The following SLC14A2 variants were observed in gnomAD, a reference collection of about 807,000 sequenced individuals.
SLC14A2 encodes the protein urea transporter 2.
A neutral mutation model predicts 104.6 loss-of-function variants in SLC14A2; 91 were observed. That is an observed-to-expected ratio of 0.87 (90% confidence interval 0.73 to 1.04). The LOEUF (loss-of-function observed/expected upper bound fraction) is 1.04. SLC14A2 is among the 50% of genes least tolerant of loss of function. The probability of loss-of-function intolerance (pLI) is 0.00; values close to 1 mark genes in which losing one functional copy is unlikely to be tolerated. For missense variants in SLC14A2, 1,189 were observed against 1,156.0 expected (o/e 1.03, Z -0.41); for synonymous variants, 476 against 466.4 (o/e 1.02, Z -0.27).
chr18:45,456,212 T>C (rs895471621), intron 1 of SLC14A2, among the ~76,000 whole-genome samples: 1 of 152,114 alleles, frequency 6.6e-6, no homozygotes, highest in Non-Finnish European at 1.5e-5. Flanking sequence ...AATCATCCCC[T>C]GTTCAGAACC....
At chr18:45,597,912 G>A (rs1222733957) in intron 2 of SLC14A2, among the ~76,000 whole-genome samples, 2 of 152,176 alleles carry the variant, frequency 1.3e-5, no homozygotes, top group East Asian at 1.9e-4. Flanking sequence ...TTGAGGTGTG[G>A]TGTGTGAAAG....
chr18:45,641,348 G>C lies in SLC14A2; in HGVS notation c.1126+5G>C. 1 of 1,614,118 alleles carries C rather than the reference G, an allele frequency of 6.2e-7. No individual in the cohort carries two copies. The highest frequency in any genetic ancestry group is 1.1e-5 in the South Asian group (1 of 91,074). The stretch of plus-strand genomic sequence containing the variant: ...ACCTGCTGGCCCTCATCTGTGGTAG[G>C]TGTTCAGAAAAGCTGACAACCAGGT... On this transcript the variant is annotated splice_donor_5th_base_variant and intron_variant, in intron 8 of 19. Transcript: ENST00000255226.
chr18:45,632,716 C>T (rs947686344), intron 5 of SLC14A2, among the ~76,000 whole-genome samples: 2 of 152,164 alleles, frequency 1.3e-5, no homozygotes, highest in Non-Finnish European at 2.9e-5. Context: ...CTTGCTCTGT[C>T]GTCCAGGCTG....
chr18:45,395,417 G>A (rs1212831827), intron 1 of SLC14A2, among the ~76,000 whole-genome samples: 1 of 152,142 alleles, frequency 6.6e-6, no homozygotes, highest in Non-Finnish European at 1.5e-5. Context: ...GGGAGTTGCT[G>A]TTCAATGGGT....
chr18:45,680,364 A>G (rs2046294142), intron 19 of SLC14A2, among the ~76,000 whole-genome samples: 1 of 152,226 alleles, frequency 6.6e-6, no homozygotes, highest in African/African-American at 2.4e-5. Flanking sequence ...CAGTTTAGAC[A>G]TCTTTCAAAA....
At chr18:45,576,353 G>A (rs770602858) in intron 2 of SLC14A2, among the ~76,000 whole-genome samples, 3 of 142,658 alleles carry the variant, frequency 2.1e-5, no homozygotes, top group Admixed American at 7.5e-5. Flanking sequence ...GCGCGATCTC[G>A]GCTCACTGTA....
At chr18:45,419,626 T>C (rs2086318509) in intron 1 of SLC14A2, among the ~76,000 whole-genome samples, 1 of 151,980 alleles carries the variant, frequency 6.6e-6, no homozygotes, top group Non-Finnish European at 1.5e-5. Flanking sequence ...ATACAAAAAT[T>C]AGTCAGGTGT....
Position 45,262,757 on chromosome 18 carries a change from T to C in SLC14A2, c.-125+49566T>C, listed in dbSNP as rs1274269037. Among the ~76,000 whole-genome samples, 3 of 152,208 alleles carry C rather than the reference T, an allele frequency of 2.0e-5. No homozygotes were observed. In the East Asian group the frequency reaches 5.8e-4, roughly 29 times the overall value. On this transcript the variant is annotated intron_variant, in intron 1 of 20. Coordinates refer to the SLC14A2 transcript ENST00000586448. ...ACTGTCATTCCTTCATTCGACAACA[T>C]TAATTGAGCACACTGCTACAGACTG...
chr18:45,450,953 G>T (rs922911622), intron 1 of SLC14A2, among the ~76,000 whole-genome samples: 7 of 152,148 alleles, frequency 4.6e-5, no homozygotes, highest in Admixed American at 1.3e-4. Context: ...TCTGGGAAAT[G>T]GTGCAAAACA....
chr18:45,346,859 G>T (rs771568483), intron 1 of SLC14A2, among the ~76,000 whole-genome samples: 4 of 152,044 alleles, frequency 2.6e-5, no homozygotes, highest in Non-Finnish European at 5.9e-5. Context: ...CTACTTGGGA[G>T]GCTGAGGCAG....
chr18:45,497,817 C>A (rs890050653), intron 2 of SLC14A2, among the ~76,000 whole-genome samples: 2 of 152,198 alleles, frequency 1.3e-5, no homozygotes, highest in Admixed American at 6.5e-5. Flanking sequence ...GGTGACGGAT[C>A]TGTCCCCAGC....
At position 45,623,292 on chromosome 18, in the gene SLC14A2, A is replaced by T. The variant is rs961420654; in HGVS notation, c.-34-1339A>T. Among the ~76,000 whole-genome samples the T allele has an allele frequency of 7.2e-5, 11 of 152,304 alleles. 1 individual carries two copies. Among genetic ancestry groups the T allele is most frequent in the Admixed American group, 1.3e-4 (2 of 15,306 alleles). ...AAGGGGAGATGAAAAGGTTCACTGG[A>T]GATGAGAAGGACAAGGATCTGAGAA... On this transcript the variant is annotated intron_variant, in intron 1 of 19. Coordinates refer to ENST00000255226, the MANE Select transcript of SLC14A2 (RefSeq NM_007163.4).
chr18:45,362,067 A>G (rs908926762), intron 1 of SLC14A2, among the ~76,000 whole-genome samples: 1 of 152,196 alleles, frequency 6.6e-6, no homozygotes, highest in Non-Finnish European at 1.5e-5. Flanking sequence ...AATTGCCCCT[A>G]TGCTGTTCCC....
intron 1 of SLC14A2, among the ~76,000 whole-genome samples, chr18:45,313,578 G>A (rs949629999): frequency 6.6e-6 from 1 of 152,056 alleles, no homozygotes; most frequent in African/African-American, 2.4e-5. Context: ...GAAGTAAGGC[G>A]GCCTGAATTC....
chr18:45,450,614 A>G (rs141134390), intron 1 of SLC14A2, among the ~76,000 whole-genome samples: 1 of 152,338 alleles, frequency 6.6e-6, no homozygotes, highest in East Asian at 1.9e-4. Context: ...CTAGAATTAA[A>G]TGAGTACCAC....
the SLC14A2 span, among the ~76,000 whole-genome samples, chr18:45,207,049 C>A: frequency 6.6e-6 from 1 of 152,138 alleles, no homozygotes. Context: ...TTAACTATAT[C>A]ATTTACTCTG....
In SLC14A2 at chr18:45,236,028, CAT is replaced by C. The variant is rs1166457810; in HGVS notation, c.-125+22842_-125+22843del. Among the ~76,000 whole-genome samples, 32 of 27,136 alleles carry C rather than the reference CAT, an allele frequency of 1.2e-3. 1 individual carries two copies. The highest frequency in any genetic ancestry group is 1.6e-3 in the Admixed American group (4 of 2,444). The allele number at this position is 27,136 out of a possible 152,430, so 17.8% of individuals were successfully genotyped here. ...ATGTGTGTATATATGTGTATATATA[CAT>C]ATATGTGTGTATATATGTGTATATA... On this transcript the variant is annotated intron_variant, in intron 1 of 20. Coordinates refer to the SLC14A2 transcript ENST00000586448.
At chr18:45,373,294 C>A (rs1397208297) in intron 1 of SLC14A2, among the ~76,000 whole-genome samples, 1 of 152,158 alleles carries the variant, frequency 6.6e-6, no homozygotes, top group Non-Finnish European at 1.5e-5. Context: ...TATTATTCGG[C>A]TCCAGGCTCT....
At chr18:45,446,589 A>T (rs765214607) in intron 1 of SLC14A2, among the ~76,000 whole-genome samples, 11 of 152,252 alleles carry the variant, frequency 7.2e-5, no homozygotes, top group Non-Finnish European at 1.5e-4. Flanking sequence ...CAATACAAAC[A>T]TGAAAAGCAG....
Sources: gnomAD v4.1 joint callset for allele counts (sites outside exome capture counted in the v4.1 genomes callset) on GRCh38, gnomAD v4.1.1 for gene constraint, MANE v1.5 for transcripts, NCBI Gene and HGNC (gene_info 2026-07-23, HGNC 2026-07-21) for gene names.